AFAP1: variants seen among roughly 807,000 people sequenced by gnomAD.
The protein encoded by AFAP1 is actin filament-associated protein 1.
A neutral mutation model predicts 93.9 loss-of-function variants in AFAP1; 75 were observed. The observed-to-expected ratio is 0.80, with a 90% CI of 0.66 to 0.97. The LOEUF (loss-of-function observed/expected upper bound fraction) is 0.97. AFAP1 is among the 50% of genes least tolerant of loss of function. The pLI is 0.00. For synonymous variants in AFAP1, 517 were observed against 430.7 expected, an observed-to-expected ratio of 1.20 and a Z score of -2.48; for missense variants, 1,201 against 1,050.8, an observed-to-expected ratio of 1.14 and a Z score of -1.98.
chr4:7,923,794 C>G (rs547871790), intron 1 of AFAP1, among the ~76,000 whole-genome samples: 7 of 152,144 alleles, frequency 4.6e-5, no homozygotes, highest in African/African-American at 1.7e-4. Flanking sequence ...GCCACTGATC[C>G]TGTCAGACCA....
chr4:7,878,769 T>C (rs1205250951), intron 1 of AFAP1, among the ~76,000 whole-genome samples: 1 of 152,210 alleles, frequency 6.6e-6, no homozygotes, highest in Admixed American at 6.5e-5. Context: ...AAACTGGTAC[T>C]AAGAAAGGTT....
At chr4:7,830,528 A>G (rs1577263868) in intron 6 of AFAP1, among the ~76,000 whole-genome samples, 1 of 152,362 alleles carries the variant, frequency 6.6e-6, no homozygotes, top group East Asian at 1.9e-4. Flanking sequence ...AGCCATTTAC[A>G]CAGAAATTCT....
rs368816505 is a variant in AFAP1, at chr4:7,811,205, C to T, written c.905-1442G>A. Among the ~76,000 whole-genome samples, 62 of 152,304 alleles carry T rather than the reference C, an allele frequency of 4.1e-4. 3 individuals are homozygous for T. In the South Asian group the frequency reaches 0.013, roughly 32 times the overall value. On this transcript the variant is annotated intron_variant, in intron 8 of 17. Transcript: ENST00000420658. ...GATTCTCAGTGTCGTGGGCAAACCC[C>T]AGCGCCCGACCCTTTCCCCTTCATC...
At chr4:7,783,377 T>C (rs1716963641) in intron 12 of AFAP1, among the ~76,000 whole-genome samples, 1 of 152,176 alleles carries the variant, frequency 6.6e-6, no homozygotes, top group Non-Finnish European at 1.5e-5. Context: ...TGGCCTTAAG[T>C]GATCTGCCCA....
intron 1 of AFAP1, among the ~76,000 whole-genome samples, chr4:7,892,436 T>C (rs1173292392): frequency 6.6e-6 from 1 of 152,112 alleles, no homozygotes; most frequent in African/African-American, 2.4e-5. Context: ...GACCTCTGCA[T>C]TCCCCAAGGA....
At chr4:7,856,224 C>A (rs1715043554) in intron 3 of AFAP1, among the ~76,000 whole-genome samples, 1 of 151,784 alleles carries the variant, frequency 6.6e-6, no homozygotes, top group South Asian at 2.1e-4. Context: ...GGAATCCACT[C>A]CTTATTAAAA....
chr4:7,822,365 T>C (rs974219434), intron 6 of AFAP1, among the ~76,000 whole-genome samples: 5 of 152,082 alleles, frequency 3.3e-5, no homozygotes, highest in Admixed American at 3.3e-4. Context: ...GCCCAGTATT[T>C]CTCCCCTAAC....
chr4:7,802,719 A>G (rs372840113), intron 9 of AFAP1, among the ~76,000 whole-genome samples: 3 of 145,368 alleles, frequency 2.1e-5, no homozygotes, highest in African/African-American at 7.7e-5. Context: ...GCGTGATCTC[A>G]GCTCACTGCA....
At chr4:7,805,549 G>A (rs570299894) in intron 9 of AFAP1, among the ~76,000 whole-genome samples, 156 of 152,202 alleles carry the variant, frequency 1.0e-3, no homozygotes, top group Non-Finnish European at 1.6e-3. Flanking sequence ...GATGGGCTAG[G>A]CACTGAGCTC....
intron 4 of AFAP1, among the ~76,000 whole-genome samples, chr4:7,850,198 C>G (rs1714277893): frequency 6.6e-6 from 1 of 152,292 alleles, no homozygotes; most frequent in Non-Finnish European, 1.5e-5. Flanking sequence ...ATAATCTTGT[C>G]TCTCTGAGAG....
At chr4:7,768,546 G>A (rs929070337) in intron 17 of AFAP1, among the ~76,000 whole-genome samples, 1 of 152,108 alleles carries the variant, frequency 6.6e-6, no homozygotes, top group South Asian at 2.1e-4. Flanking sequence ...CTGAGAAAAC[G>A]AGTCCAGAGG....
At chr4:7,885,006 A>T (rs1197339853) in intron 1 of AFAP1, among the ~76,000 whole-genome samples, 3 of 152,162 alleles carry the variant, frequency 2.0e-5, no homozygotes, top group Non-Finnish European at 4.4e-5. Context: ...CAATGGTTAC[A>T]CCTTTCTTTG....
rs748289684 is a variant in AFAP1, at chr4:7,843,294, C to A, written c.391G>T (p.Asp131Tyr). The A allele has an allele frequency of 9.3e-6, 15 of 1,614,094 alleles. No individual in the cohort carries two copies. Among genetic ancestry groups the A allele is most frequent in the Non-Finnish European group, 1.3e-5 (15 of 1,180,022 alleles). The stretch of plus-strand genomic sequence containing the variant: ...TGCCGGGTTTTCTTCCCCTTCCCAT[C>A]CTCCTCCTCTTCATCATACGACTCA... ...SYESYDEEEE[D>Y]GKGKKTRHQW... The change falls in exon 5 of 18, where the codon GAT (aspartate) becomes TAT (tyrosine). Residue 131 changes from aspartate (D) to tyrosine (Y), a missense_variant. Coordinates refer to ENST00000420658, the MANE Select transcript of AFAP1 (RefSeq NM_001134647.2).
intron 6 of AFAP1, among the ~76,000 whole-genome samples, chr4:7,822,991 G>A (rs1721108360): frequency 6.6e-6 from 1 of 151,684 alleles, no homozygotes; most frequent in Admixed American, 6.6e-5. Context: ...CTGGCTGTGT[G>A]AATGGTGTCT....
chr4:7,918,345 CG>C (rs1423629499), intron 1 of AFAP1, among the ~76,000 whole-genome samples: 13 of 143,002 alleles, frequency 9.1e-5, no homozygotes, highest in Admixed American at 1.4e-4. Flanking sequence ...ACAGGGCTGC[CG>C]GAAGAGACAC....
chr4:7,873,207 C>T (rs991523663), intron 1 of AFAP1, among the ~76,000 whole-genome samples: 5 of 133,398 alleles, frequency 3.7e-5, no homozygotes, highest in Non-Finnish European at 7.9e-5. Flanking sequence ...TGCACCACTG[C>T]ACTCCAGCCT....
rs1189455890 is a variant in AFAP1 at position 7,798,224 on chromosome 4, T to C, written c.1266+2218A>G. Among the ~76,000 whole-genome samples, 67 of 135,302 alleles carry C rather than the reference T, an allele frequency of 5.0e-4. 3 individuals are homozygous for C. The highest frequency in any genetic ancestry group is 6.7e-4 in the Non-Finnish European group (42 of 62,568). 88.8% of individuals were successfully genotyped at this position (135,302 alleles called of 152,430 possible). The stretch of plus-strand genomic sequence containing the variant: ...GCTGGCTCACGGCACTGCAACTCTA[T>C]TGGCTGGCTCACGGCACTGCAACTC... On this transcript the variant is annotated intron_variant, in intron 10 of 17. Coordinates refer to ENST00000420658, the MANE Select transcript of AFAP1 (RefSeq NM_001134647.2).
At chr4:7,842,006 A>G (rs537087354) in intron 5 of AFAP1, among the ~76,000 whole-genome samples, 93 of 152,324 alleles carry the variant, frequency 6.1e-4, no homozygotes, top group African/African-American at 2.1e-3. Flanking sequence ...TCTCTTTTAA[A>G]TGAAAGTTGA....
At chr4:7,906,373 GC>G (rs1719402595) in intron 1 of AFAP1, among the ~76,000 whole-genome samples, 1 of 152,152 alleles carries the variant, frequency 6.6e-6, no homozygotes, top group African/African-American at 2.4e-5. Context: ...GAATTACGAA[GC>G]AAAAAACAAA....
Sources: gnomAD v4.1 joint callset for allele counts (sites outside exome capture counted in the v4.1 genomes callset) on GRCh38, gnomAD v4.1.1 for gene constraint, MANE v1.5 for transcripts, NCBI Gene and HGNC (gene_info 2026-07-23, HGNC 2026-07-21) for gene names.